Variants in TANC2 observed in about 807,000 individuals in gnomAD.
TANC2 encodes protein TANC2.
Under a neutral mutation model 210.5 loss-of-function variants are expected in TANC2, and 26 were observed. The observed-to-expected ratio is 0.12, with a 90% CI of 0.09 to 0.17. The LOEUF (loss-of-function observed/expected upper bound fraction) is 0.17. Ranked by LOEUF, TANC2 falls within the 10% of genes least tolerant of loss-of-function variation. The probability of loss-of-function intolerance (pLI) is 1.00; values close to 1 mark genes in which losing one functional copy is unlikely to be tolerated. For synonymous variants in TANC2, 931 were observed against 967.1 expected (o/e 0.96, Z 0.69); for missense variants, 2,129 against 2,608.9 (o/e 0.82, Z 4.01).
At chr17:63,262,916 G>T (rs1200691032) in intron 8 of TANC2, among the ~76,000 whole-genome samples, 1 of 152,120 alleles carries the variant, frequency 6.6e-6, no homozygotes, top group Non-Finnish European at 1.5e-5. Context: ...CTGAGATAAA[G>T]ATTTTTTTTA....
chr17:63,078,160 G>T (rs1213083784), intron 3 of TANC2, among the ~76,000 whole-genome samples: 2 of 152,068 alleles, frequency 1.3e-5, no homozygotes, highest in Non-Finnish European at 1.5e-5. Context: ...TTATTTGCTG[G>T]AAGGTTTTTA....
chr17:63,018,512 A>C (rs2034210992), intron 2 of TANC2, among the ~76,000 whole-genome samples: 1 of 151,830 alleles, frequency 6.6e-6, no homozygotes. Flanking sequence ...AAATAAAATA[A>C]ACAAAAAATA....
chr17:63,285,259 A>G (rs2044186106), intron 9 of TANC2, among the ~76,000 whole-genome samples: 2 of 148,944 alleles, frequency 1.3e-5, no homozygotes, highest in East Asian at 2.0e-4. Flanking sequence ...TCTTCTTGCT[A>G]TTTGTTTTTC....
chr17:63,289,740 C>T (rs1030059709), intron 9 of TANC2, among the ~76,000 whole-genome samples: 2 of 152,094 alleles, frequency 1.3e-5, no homozygotes, highest in African/African-American at 4.8e-5. Context: ...TTTTAGTATT[C>T]CTTGTGCTTT....
At chr17:63,058,235 T>C (rs2035874191) in intron 2 of TANC2, among the ~76,000 whole-genome samples, 2 of 152,194 alleles carry the variant, frequency 1.3e-5, no homozygotes. Context: ...TATGTTTTCT[T>C]TTGTAAAATG....
exon 4 of TANC2, chr17:63,099,303 T>G: frequency 1.3e-6 from 2 of 1,569,340 alleles, no homozygotes; most frequent in Non-Finnish European, 1.7e-6. Context: ...ATCCTCCCCC[T>G]TACTCACACA....
intron 7 of TANC2, among the ~76,000 whole-genome samples, chr17:63,207,520 T>C (rs1485188982): frequency 6.6e-6 from 1 of 152,176 alleles, no homozygotes; most frequent in Non-Finnish European, 1.5e-5. Flanking sequence ...CAGCCACAAA[T>C]TTCTTTTGTG....
At chr17:63,119,234 T>C (rs919193212) in intron 4 of TANC2, among the ~76,000 whole-genome samples, 9 of 152,238 alleles carry the variant, frequency 5.9e-5, no homozygotes, top group African/African-American at 2.2e-4. Flanking sequence ...TGAGTTGCTC[T>C]TCTGAAATGC....
intron 5 of TANC2, chr17:63,153,846 T>C (rs2039744651): frequency 6.6e-6 from 1 of 152,170 alleles, no homozygotes. Context: ...TGTCTTTTTG[T>C]ACCTGACATC....
At position 63,421,088 on chromosome 17, in the gene TANC2, C is replaced by T. The variant is rs1404370559; in HGVS notation, c.5358C>T (p.Ser1786=). The T allele has an allele frequency of 1.9e-6, 3 of 1,613,986 alleles. No individual in the cohort carries two copies. Among genetic ancestry groups the T allele is most frequent in the East Asian group, 2.2e-5 (1 of 44,882 alleles). The change falls in exon 28 of 28, where the codon TCC becomes TCT. Residue 1786 remains serine (S), a synonymous_variant. Transcript: ENST00000689528. This position sits in a 1 kb window ranked among gnomAD's most constrained non-coding sequence, Gnocchi z 6.9. ...AAGAGGATCTTCCACAGCGACCTTC[C>T]TCAGCATACCGAGGTGGCGTGAGAT...
At chr17:63,298,757 A>G (rs1485439955) in intron 9 of TANC2, among the ~76,000 whole-genome samples, 2 of 152,038 alleles carry the variant, frequency 1.3e-5, no homozygotes, top group Non-Finnish European at 2.9e-5. Context: ...TTTTTTATTT[A>G]TTTATTTTAT....
At position 63,258,836 on chromosome 17, in the gene TANC2, C is replaced by G. The variant is rs193201511; in HGVS notation, c.1034-8912C>G. On this transcript the variant is annotated intron_variant, in intron 8 of 27. Transcript: ENST00000689528. ...CCTCTTGGTGCTTTACCCCCATGGC[C>G]AAGCTGGTACCCTATCTATAATACA... Among the ~76,000 whole-genome samples the G allele has an allele frequency of 1.3e-5, 2 of 152,278 alleles. 1 individual carries two copies. The highest frequency in any genetic ancestry group is 1.3e-4 in the Admixed American group (2 of 15,302).
chr17:63,367,406 A>AT (rs1001582327), intron 14 of TANC2, among the ~76,000 whole-genome samples: 16 of 152,046 alleles, frequency 1.1e-4, no homozygotes, highest in South Asian at 4.2e-4. Context: ...TTTTTTTGCA[A>AT]TTTTTTTAGC....
intron 7 of TANC2, among the ~76,000 whole-genome samples, chr17:63,206,003 C>A (rs1323776532): frequency 6.6e-6 from 1 of 152,130 alleles, no homozygotes; most frequent in Non-Finnish European, 1.5e-5. Flanking sequence ...ACCCCTACAA[C>A]TCAACAACAA....
intron 14 of TANC2, among the ~76,000 whole-genome samples, chr17:63,364,764 T>C (rs1352899547): frequency 1.3e-5 from 2 of 151,330 alleles, no homozygotes; most frequent in Non-Finnish European, 2.9e-5. Context: ...CTAGCCTGGG[T>C]GACAGAGTGA....
chr17:63,031,690 C>T (rs1205385564), intron 2 of TANC2, among the ~76,000 whole-genome samples: 2 of 152,080 alleles, frequency 1.3e-5, no homozygotes, highest in Admixed American at 1.3e-4. Context: ...AGGGTGAGCA[C>T]TTAATGTGGA....
chr17:63,063,531 CGTGTGTGTGTGTGTGTGTGTGT>C (rs59132639), intron 2 of TANC2, among the ~76,000 whole-genome samples: 1 of 108,148 alleles, frequency 9.2e-6, no homozygotes, highest in Admixed American at 8.8e-5. Context: ...GGGACAAAGA[CGTGTGTGTGTGTGTGTGTGTGT>C]GTGTGTGTGT....
intron 14 of TANC2, among the ~76,000 whole-genome samples, chr17:63,377,287 T>C (rs935435256): frequency 2.6e-5 from 4 of 152,196 alleles, no homozygotes; most frequent in African/African-American, 9.7e-5. Flanking sequence ...CTGGCTTAGA[T>C]TTCTCCCTAG....
chr17:63,189,156 C>A (rs2145717798), intron 5 of TANC2, among the ~76,000 whole-genome samples: 1 of 151,948 alleles, frequency 6.6e-6, no homozygotes, highest in South Asian at 2.1e-4. Context: ...GAATATATGA[C>A]ATTTTATTTA....
Sources: gnomAD v4.1 joint callset for allele counts (sites outside exome capture counted in the v4.1 genomes callset) on GRCh38, gnomAD v4.1.1 for gene constraint, Gnocchi (gnomAD v3.1) non-coding constraint, MANE v1.5 for transcripts, NCBI Gene and HGNC (gene_info 2026-07-23, HGNC 2026-07-21) for gene names.